The following OCIAD2 variants were observed in gnomAD, a reference collection of about 807,000 sequenced individuals.
OCIAD2 encodes OCIA domain-containing protein 2.
In OCIAD2, 29 loss-of-function variants were observed where a neutral mutation model predicts 22.9. That is an observed-to-expected ratio of 1.27 (90% CI 0.94 to 1.73). The LOEUF is 1.73. Among genes scored for constraint, OCIAD2 ranks in the 40% most tolerant of loss-of-function variants. The pLI is 0.00. For missense variants in OCIAD2, 189 were observed against 180.3 expected (o/e 1.05, Z -0.28); for synonymous variants, 67 against 60.2 (o/e 1.11, Z -0.52).
At chr4:48,893,684 C>A (rs574907194) in intron 5 of OCIAD2, 1 of 177,360 alleles carries the variant, frequency 5.6e-6, no homozygotes, top group African/African-American at 2.3e-5. Flanking sequence ...GAAGTCCCAA[C>A]TGCTAAGCTG....
chr4:48,886,753 G>A (rs1323412687), intron 6 of OCIAD2, among the ~76,000 whole-genome samples: 12 of 152,070 alleles, frequency 7.9e-5, no homozygotes, highest in Non-Finnish European at 1.6e-4. Flanking sequence ...GTTGGACATT[G>A]GGTTGGTTCC....
At chr4:48,904,717 T>C in intron 1 of OCIAD2, 106 bp from the exon 2 acceptor site, 1 of 659,942 alleles carries the variant, frequency 1.5e-6, no homozygotes. Context: ...TGTTTTTCCT[T>C]TTGTCATTAG....
In OCIAD2 at chr4:48,888,138, G is replaced by A. The variant is rs1579146820; in HGVS notation, c.384-2573C>T. Among the ~76,000 whole-genome samples the A allele has an allele frequency of 3.9e-5, 6 of 152,170 alleles. 1 individual carries two copies. The highest frequency in any genetic ancestry group is 1.4e-4 in the African/African-American group (6 of 41,536). Reference sequence around the variant, plus strand: ...TTCACTCATGATTTGGCTCTCTGTTGCTTGTTGTTGGTGTATAAGAATGCT... The same window carrying A: ...TTCACTCATGATTTGGCTCTCTGTTACTTGTTGTTGGTGTATAAGAATGCT... On this transcript the variant is annotated intron_variant, in intron 6 of 6. Transcript: ENST00000508632.
chr4:48,893,025 A>G, intron 5 of OCIAD2, 136 bp from the exon 6 acceptor site: 1 of 568,622 alleles, frequency 1.8e-6, no homozygotes, highest in Non-Finnish European at 3.2e-6. Context: ...CTGAGAATGA[A>G]GTCTCTATTT....
At chr4:48,887,968 G>C (rs1344966049) in intron 6 of OCIAD2, among the ~76,000 whole-genome samples, 2 of 152,170 alleles carry the variant, frequency 1.3e-5, no homozygotes, top group Non-Finnish European at 2.9e-5. Flanking sequence ...TCCTACCCAT[G>C]AGCATGGAAT....
intron 4 of OCIAD2, among the ~76,000 whole-genome samples, chr4:48,894,593 G>A (rs1222834234): frequency 1.3e-5 from 2 of 152,098 alleles, no homozygotes; most frequent in Non-Finnish European, 2.9e-5. Context: ...GTAATGTGTA[G>A]AAAAATAATA....
chr4:48,885,347 C>T lies in OCIAD2; in HGVS notation c.*137G>A. ...ACGCTTAGTTCACTTGAAAGCCTTCCACGGAATACATTTCAGTGAGTGACA... is the reference window on the plus strand; with the variant it reads ...ACGCTTAGTTCACTTGAAAGCCTTCTACGGAATACATTTCAGTGAGTGACA... On this transcript the variant is annotated 3_prime_UTR_variant, in exon 7 of 7. Transcript: ENST00000508632. 1.4e-6 allele frequency: 1 copy of T among 691,972 alleles called. No homozygotes were observed. The highest frequency in any genetic ancestry group is 2.6e-6 in the Non-Finnish European group (1 of 382,378). 42.9% of individuals were successfully genotyped at this position (691,972 alleles called of 1,614,324 possible).
intron 6 of OCIAD2, among the ~76,000 whole-genome samples, chr4:48,887,217 T>C (rs1324890852): frequency 2.0e-5 from 3 of 152,132 alleles, no homozygotes; most frequent in African/African-American, 4.8e-5. Flanking sequence ...GTTTGAGTTC[T>C]TTGTAGATTC....
At chr4:48,888,699 G>T (rs138249713) in intron 6 of OCIAD2, among the ~76,000 whole-genome samples, 96 of 152,268 alleles carry the variant, frequency 6.3e-4, no homozygotes, top group Non-Finnish European at 1.2e-3. Flanking sequence ...CTTGATCATG[G>T]TGGATAAGCT....
At chr4:48,905,781 G>A (rs1474496239) in intron 1 of OCIAD2, among the ~76,000 whole-genome samples, 1 of 152,210 alleles carries the variant, frequency 6.6e-6, no homozygotes, top group African/African-American at 2.4e-5. Flanking sequence ...GATTACAGGG[G>A]CAGCACGGTG....
At chr4:48,904,714 C>A (rs1781491452) in intron 1 of OCIAD2, 103 bp from the exon 2 acceptor site, 3 of 669,504 alleles carry the variant, frequency 4.5e-6, no homozygotes, top group Non-Finnish European at 7.8e-6. Flanking sequence ...ATGTGTTTTT[C>A]CTTTTGTCAT....
intron 2 of OCIAD2, among the ~76,000 whole-genome samples, chr4:48,903,695 G>A (rs1432416073): frequency 6.7e-6 from 1 of 149,666 alleles, no homozygotes; most frequent in Non-Finnish European, 1.5e-5. Flanking sequence ...TGCCAGGCTG[G>A]AGTGCAGCGG....
intron 4 of OCIAD2, among the ~76,000 whole-genome samples, chr4:48,895,252 G>A (rs1781278617): frequency 6.6e-6 from 1 of 152,162 alleles, no homozygotes; most frequent in Non-Finnish European, 1.5e-5. Context: ...GTTGTTTTAA[G>A]TCACTCTGTG....
intron 6 of OCIAD2, among the ~76,000 whole-genome samples, chr4:48,887,945 C>T (rs1235674666): frequency 9.2e-5 from 14 of 152,086 alleles, no homozygotes; most frequent in African/African-American, 1.7e-4. Context: ...GCCATTTTCA[C>T]GATATTGATT....
In OCIAD2 at chr4:48,887,771, T is replaced by C. The variant is rs551823491; in HGVS notation, c.384-2206A>G. Among the ~76,000 whole-genome samples, 158 of 152,340 alleles carry C rather than the reference T, an allele frequency of 1.0e-3. 1 individual carries two copies. Among genetic ancestry groups the C allele is most frequent in the African/African-American group, 3.7e-3 (153 of 41,578 alleles). ...TAGTATAGTTTGAAGTCAGGTAGCATGATGCCTCCAGTTTTGTTCTTTTGG... is the reference window on the plus strand; with the variant it reads ...TAGTATAGTTTGAAGTCAGGTAGCACGATGCCTCCAGTTTTGTTCTTTTGG... On this transcript the variant is annotated intron_variant, in intron 6 of 6. Transcript: ENST00000508632.
intron 1 of OCIAD2, among the ~76,000 whole-genome samples, chr4:48,906,161 C>T (rs1160784313): frequency 1.3e-5 from 2 of 152,246 alleles, no homozygotes. Flanking sequence ...ACTTAGTCCT[C>T]AGTCTGCACC....
chr4:48,896,572 C>T (rs1781304956), intron 4 of OCIAD2, among the ~76,000 whole-genome samples: 1 of 151,996 alleles, frequency 6.6e-6, no homozygotes, highest in African/African-American at 2.4e-5. Flanking sequence ...GAGGGTGAGA[C>T]CCTGTCTCAA....
At position 48,897,781 on chromosome 4, in the gene OCIAD2, A is replaced by G. The variant is rs1164646047; in HGVS notation, c.217+23T>C. 1.3e-5 allele frequency: 21 copies of G among 1,580,390 alleles called. No individual in the cohort carries two copies. The East Asian group carries it at 4.7e-4, about 35-fold the overall frequency. ...AAACTGGGCTCTCTGAAATTAGATT[A>G]TTTAACAAATATTGAATCTTACCTT... On this transcript the variant is annotated intron_variant, in intron 4 of 6. Coordinates refer to ENST00000508632, the MANE Select transcript of OCIAD2 (RefSeq NM_001014446.3).
rs571969232 is a variant in OCIAD2, at chr4:48,903,258, C to G, written c.66+1226G>C. Among the ~76,000 whole-genome samples the G allele has an allele frequency of 9.2e-5, 14 of 152,306 alleles. No homozygotes were observed. In the East Asian group the frequency reaches 2.7e-3, roughly 29 times the overall value. ...CCATGTTAACACTTGGGTTCTCAAT[C>G]TGCTAGCTAATTAGTAATAAAGGAC... On this transcript the variant is annotated intron_variant, in intron 2 of 6. Transcript: ENST00000508632.
Sources: allele counts gnomAD v4.1 joint callset (sites outside exome capture counted in the v4.1 genomes callset), GRCh38; gene constraint gnomAD v4.1.1; transcripts MANE v1.5; gene names NCBI Gene and HGNC (gene_info 2026-07-23, HGNC 2026-07-21).